The following EBF1 variants were observed in gnomAD, a reference collection of about 807,000 sequenced individuals.
The protein encoded by EBF1 is transcription factor COE1.
Under a neutral mutation model 68.4 loss-of-function variants are expected in EBF1, and 10 were observed. The observed-to-expected ratio is 0.15, with a 90% CI of 0.09 to 0.25. The LOEUF (loss-of-function observed/expected upper bound fraction) is 0.25, where lower values mean the gene tolerates loss of function less well. Ranked by LOEUF, EBF1 falls within the 10% of genes least tolerant of loss-of-function variation. EBF1 has a pLI of 1.00. For missense variants in EBF1, 509 were observed against 794.4 expected, an observed-to-expected ratio of 0.64 and a Z score of 4.32; for synonymous variants, 298 against 299.8, an observed-to-expected ratio of 0.99 and a Z score of 0.06.
In EBF1 at chr5:158,726,688, G is replaced by A. The variant is rs540719381; in HGVS notation, c.1125+4381C>T. Among the ~76,000 whole-genome samples the A allele has an allele frequency of 2.6e-5, 4 of 152,314 alleles. No individual in the cohort carries two copies. The South Asian group carries it at 6.2e-4, about 24-fold the overall frequency. ...GGCCAAGCCTTCTCAGTAGGGAAATGAGAGAAAGCTGGTGAGAATCTACAT... is the reference window on the plus strand; with the variant it reads ...GGCCAAGCCTTCTCAGTAGGGAAATAAGAGAAAGCTGGTGAGAATCTACAT... On this transcript the variant is annotated intron_variant, in intron 11 of 15. Transcript: ENST00000313708.
chr5:158,782,806 A>T (rs903670054), intron 9 of EBF1, among the ~76,000 whole-genome samples: 1 of 152,200 alleles, frequency 6.6e-6, no homozygotes, highest in African/African-American at 2.4e-5. Flanking sequence ...TGGGTATCAT[A>T]ATCATTATCC....
chr5:158,913,096 T>C (rs780963932), intron 6 of EBF1, among the ~76,000 whole-genome samples: 22 of 152,226 alleles, frequency 1.4e-4, no homozygotes, highest in African/African-American at 5.3e-4. Context: ...ATCTGTACAA[T>C]ACAGCTTCTT....
At chr5:158,742,510 G>A (rs1021834586) in intron 10 of EBF1, among the ~76,000 whole-genome samples, 1 of 152,206 alleles carries the variant, frequency 6.6e-6, no homozygotes, top group African/African-American at 2.4e-5. Context: ...TAGGCCATGT[G>A]CTAGAAACAG....
At chr5:159,093,482 T>A (rs1782013535) in intron 4 of EBF1, among the ~76,000 whole-genome samples, 1 of 152,156 alleles carries the variant, frequency 6.6e-6, no homozygotes, top group Admixed American at 6.5e-5. Flanking sequence ...AAAATAAAAC[T>A]AATCTTGTTC....
rs1366139646 is a variant in EBF1 at position 159,033,795 on chromosome 5, T to C, written c.554+39601A>G. ...CAAGTTACTGAAAATTAGCTTTTTT[T>C]CTGGAATAAATATCAGTTATCTGTC... On this transcript the variant is annotated intron_variant, in intron 6 of 15. Coordinates refer to ENST00000313708, the MANE Select transcript of EBF1 (RefSeq NM_024007.5). Among the ~76,000 whole-genome samples the C allele has an allele frequency of 2.6e-5, 4 of 152,222 alleles. No individual in the cohort carries two copies. In the East Asian group the frequency reaches 5.8e-4, roughly 22 times the overall value.
chr5:158,775,791 C>G (rs867477810), intron 10 of EBF1, among the ~76,000 whole-genome samples: 163 of 92,642 alleles, frequency 1.8e-3, no homozygotes, highest in African/African-American at 6.4e-3. Flanking sequence ...CAGACACACA[C>G]ACACACACAC....
chr5:158,820,227 T>C (rs1187808969), intron 8 of EBF1, among the ~76,000 whole-genome samples: 2 of 150,910 alleles, frequency 1.3e-5, no homozygotes, highest in South Asian at 2.1e-4. Context: ...GAGGAGAACA[T>C]GCTTTGCCGT....
chr5:158,699,196 G>A, intron 15 of EBF1, 54 bp from the exon 16 acceptor site: 2 of 1,523,974 alleles, frequency 1.3e-6, no homozygotes, highest in Non-Finnish European at 1.8e-6. Context: ...ACTTCTCACT[G>A]AGAAAAATAA....
intron 6 of EBF1, among the ~76,000 whole-genome samples, chr5:158,965,841 T>C (rs1469692624): frequency 1.2e-4 from 18 of 152,232 alleles, no homozygotes; most frequent in Admixed American, 1.2e-3. Flanking sequence ...AGAAGATCCA[T>C]GTTCCAATTA....
Position 159,077,713 on chromosome 5 carries a change from G to A in EBF1, c.486-4249C>T, listed in dbSNP as rs1304083650. On this transcript the variant is annotated intron_variant, in intron 5 of 15. Coordinates refer to ENST00000313708, the MANE Select transcript of EBF1 (RefSeq NM_024007.5). Reference sequence around the variant, plus strand: ...GGCAGTGGGGAAGAATGGAAGACGTGCATTTTATTTTTATATTTTTGCAGT... The same window carrying A: ...GGCAGTGGGGAAGAATGGAAGACGTACATTTTATTTTTATATTTTTGCAGT... Among the ~76,000 whole-genome samples, 4 of 146,442 alleles carry A rather than the reference G, an allele frequency of 2.7e-5. No individual in the cohort carries two copies. The East Asian group carries it at 8.0e-4, about 29-fold the overall frequency.
At chr5:158,911,812 T>A (rs778709821) in intron 6 of EBF1, among the ~76,000 whole-genome samples, 1 of 152,228 alleles carries the variant, frequency 6.6e-6, no homozygotes, top group Admixed American at 6.5e-5. Context: ...GCAGCTAAAA[T>A]GTAACTATTA....
At chr5:158,792,141 T>C (rs752665065) in intron 9 of EBF1, among the ~76,000 whole-genome samples, 2 of 152,178 alleles carry the variant, frequency 1.3e-5, no homozygotes, top group Non-Finnish European at 2.9e-5. Flanking sequence ...CCTAGATTTG[T>C]ATATAAAATA....
chr5:158,823,170 G>T lies in EBF1; in HGVS notation c.778+6C>A, dbSNP rs554830606. 3.7e-6 allele frequency: 6 copies of T among 1,613,772 alleles called. No homozygotes were observed. Among genetic ancestry groups the T allele is most frequent in the Non-Finnish European group, 4.2e-6 (5 of 1,179,810 alleles). The stretch of plus-strand genomic sequence containing the variant: ...CAATGCCAACCAATGAAAATGATTC[G>T]CCTACCATGTTCCAGATAAGAGGGC... On this transcript the variant is annotated splice_donor_region_variant and intron_variant, in intron 8 of 15. Transcript: ENST00000313708.
At position 158,697,275 on chromosome 5, in the gene EBF1, T is replaced by A. The variant is rs1236745762; in HGVS notation, c.*1836A>T. 1.1e-3 allele frequency: 202 copies of A among 186,268 alleles called. 2 individuals are homozygous for A. Among genetic ancestry groups the A allele is most frequent in the African/African-American group, 4.5e-3 (189 of 41,946 alleles). The allele number at this position is 186,268 out of a possible 1,614,324, so 11.5% of individuals were successfully genotyped here. A position where few individuals can be genotyped will look rare whatever the true frequency, so the allele number is the denominator to read the frequency against. ...ACTACAAGAATAATATGCTACTATT[T>A]TTTTTTTTTTGCCATATATTGGAAA... On this transcript the variant is annotated 3_prime_UTR_variant, in exon 16 of 16. Transcript: ENST00000313708.
chr5:159,044,923 C>T (rs1377765304), intron 6 of EBF1, among the ~76,000 whole-genome samples: 1 of 152,072 alleles, frequency 6.6e-6, no homozygotes, highest in Non-Finnish European at 1.5e-5. Context: ...AAAAGAAAAT[C>T]TTCAATGTAC....
chr5:158,739,281 C>T (rs1332416291), intron 10 of EBF1, among the ~76,000 whole-genome samples: 5 of 152,172 alleles, frequency 3.3e-5, no homozygotes, highest in African/African-American at 2.4e-5. Context: ...TATACTGTGT[C>T]TAAAATGGGA....
chr5:158,944,511 T>C (rs970133906), intron 6 of EBF1, among the ~76,000 whole-genome samples: 3 of 152,248 alleles, frequency 2.0e-5, no homozygotes, highest in Admixed American at 2.0e-4. Flanking sequence ...CTATTGTGAA[T>C]AGTGCTTCAA....
At chr5:158,824,353 A>T (rs1033864457) in intron 7 of EBF1, among the ~76,000 whole-genome samples, 4 of 152,214 alleles carry the variant, frequency 2.6e-5, no homozygotes, top group Non-Finnish European at 5.9e-5. Context: ...GCATAGGGGA[A>T]ACCTCAGGCT....
At chr5:158,817,211 C>A (rs964841336) in intron 8 of EBF1, among the ~76,000 whole-genome samples, 1 of 151,936 alleles carries the variant, frequency 6.6e-6, no homozygotes, top group Non-Finnish European at 1.5e-5. Flanking sequence ...CTAAGCAAAA[C>A]AACCCTTGCA....
Sources: allele counts gnomAD v4.1 joint callset (sites outside exome capture counted in the v4.1 genomes callset), GRCh38; gene constraint gnomAD v4.1.1; transcripts MANE v1.5; gene names NCBI Gene and HGNC (gene_info 2026-07-23, HGNC 2026-07-21).